The following DOK6 variants were observed in gnomAD, a reference collection of about 807,000 sequenced individuals.
DOK6 encodes the protein downstream of tyrosine kinase 6.
Under a neutral mutation model 44.0 loss-of-function variants are expected in DOK6, and 22 were observed. The ratio of observed to expected loss-of-function variants is 0.50; its 90% CI spans 0.36 to 0.71. The LOEUF (loss-of-function observed/expected upper bound fraction) is 0.71, where lower values mean the gene tolerates loss of function less well. DOK6 is among the 30% of genes least tolerant of loss of function. The pLI, the probability that DOK6 is intolerant of heterozygous loss-of-function variation, is 0.00. For missense variants in DOK6, 340 were observed against 416.4 expected (o/e 0.82, Z 1.60); for synonymous variants, 166 against 145.5 (o/e 1.14, Z -1.01).
intron 1 of DOK6, among the ~76,000 whole-genome samples, chr18:69,508,667 C>T (rs189949801): frequency 3.2e-4 from 49 of 152,214 alleles, no homozygotes; most frequent in African/African-American, 1.0e-3. Flanking sequence ...TTAAAATTGG[C>T]GTGATGGGTC....
At chr18:69,781,329 G>T (rs563752294) in intron 7 of DOK6, 1 of 152,172 alleles carries the variant, frequency 6.6e-6, no homozygotes, top group Non-Finnish European at 1.5e-5. Context: ...TGCACCCTTG[G>T]TTATGTATGG....
At chr18:69,685,546 A>T (rs1249916365) in intron 4 of DOK6, among the ~76,000 whole-genome samples, 1 of 152,206 alleles carries the variant, frequency 6.6e-6, no homozygotes, top group Admixed American at 6.5e-5. Flanking sequence ...TCACATTCAC[A>T]TTGGGTGCAC....
intron 1 of DOK6, among the ~76,000 whole-genome samples, chr18:69,491,465 G>C (rs1189469592): frequency 1.3e-5 from 2 of 152,112 alleles, no homozygotes; most frequent in African/African-American, 2.4e-5. Flanking sequence ...TCCTTCTAGC[G>C]AACATAGTTC....
At chr18:69,663,824 G>A (rs562629476) in intron 3 of DOK6, among the ~76,000 whole-genome samples, 14 of 152,266 alleles carry the variant, frequency 9.2e-5, no homozygotes, top group African/African-American at 3.4e-4. Flanking sequence ...GAATGTTTGT[G>A]GAATGTGCGG....
chr18:69,624,245 TATCA>T (rs1388630879), intron 3 of DOK6, among the ~76,000 whole-genome samples: 3 of 152,184 alleles, frequency 2.0e-5, no homozygotes, highest in Admixed American at 6.5e-5. Flanking sequence ...TCATCGTCAT[TATCA>T]ATCAACCTTA....
chr18:69,630,113 G>A (rs1984656296), intron 3 of DOK6, among the ~76,000 whole-genome samples: 1 of 152,068 alleles, frequency 6.6e-6, no homozygotes. Context: ...GCATTTGATG[G>A]TAGTTTTTTT....
At chr18:69,614,293 G>A (rs1984229954) in intron 3 of DOK6, among the ~76,000 whole-genome samples, 1 of 152,034 alleles carries the variant, frequency 6.6e-6, no homozygotes, top group South Asian at 2.1e-4. Flanking sequence ...AAAAGATGCT[G>A]TCCAAAATCA....
chr18:69,835,414 A>G lies in DOK6; in HGVS notation c.857-5830A>G, dbSNP rs980425165. On this transcript the variant is annotated intron_variant, in intron 7 of 7. Transcript: ENST00000382713. ...CGGGAGGTGGAGCTTGCAGTGAGCC[A>G]AAATCGCACCACTGCACTCCAGCCT... is the stretch of plus-strand genomic sequence containing the variant. 2.1e-4 allele frequency among the ~76,000 whole-genome samples: 32 copies of G among 152,190 alleles called. 1 individual carries two copies. Among genetic ancestry groups the G allele is most frequent in the South Asian group, 1.5e-3 (7 of 4,824 alleles).
At chr18:69,465,393 T>C (rs951588531) in intron 1 of DOK6, among the ~76,000 whole-genome samples, 2 of 151,972 alleles carry the variant, frequency 1.3e-5, no homozygotes, top group Non-Finnish European at 2.9e-5. Context: ...GCCATGCTGG[T>C]GTGCTGCACC....
intron 2 of DOK6, among the ~76,000 whole-genome samples, chr18:69,567,268 C>G (rs886970212): frequency 6.6e-6 from 1 of 152,092 alleles, no homozygotes; most frequent in South Asian, 2.1e-4. Flanking sequence ...CTGATCTTCA[C>G]TTCTTGATAA....
At chr18:69,410,626 A>G (rs1978301905) in intron 1 of DOK6, among the ~76,000 whole-genome samples, 1 of 152,242 alleles carries the variant, frequency 6.6e-6, no homozygotes, top group Non-Finnish European at 1.5e-5. Context: ...TAAACAATGT[A>G]ACGAACGTGA....
intron 3 of DOK6, among the ~76,000 whole-genome samples, chr18:69,670,140 G>A (rs1985760715): frequency 6.6e-6 from 1 of 152,016 alleles, no homozygotes; most frequent in African/African-American, 2.4e-5. Context: ...AGGAGGCTCT[G>A]GAATAAATAC....
At chr18:69,823,828 T>C (rs1333372845) in intron 7 of DOK6, among the ~76,000 whole-genome samples, 2 of 152,120 alleles carry the variant, frequency 1.3e-5, no homozygotes, top group Non-Finnish European at 2.9e-5. Flanking sequence ...TTTCATAGGA[T>C]TTATATTTGG....
intron 6 of DOK6, among the ~76,000 whole-genome samples, chr18:69,750,744 A>G (rs1195709034): frequency 6.6e-6 from 1 of 152,212 alleles, no homozygotes; most frequent in Non-Finnish European, 1.5e-5. Flanking sequence ...TACCCAAATG[A>G]TTTGAATCAG....
Position 69,639,722 on chromosome 18 carries a change from T to C in DOK6, c.290-38012T>C, listed in dbSNP as rs560832070. Among the ~76,000 whole-genome samples the C allele has an allele frequency of 1.1e-4, 16 of 151,220 alleles. No homozygotes were observed. In the East Asian group the frequency reaches 2.5e-3, roughly 24 times the overall value. On this transcript the variant is annotated intron_variant, in intron 3 of 7. Coordinates refer to ENST00000382713, the MANE Select transcript of DOK6 (RefSeq NM_152721.6). ...AATACAAGAAGGAAAGAAGAAAGAG[T>C]GGGGAGGAAATAAGGGGAAAGGAAG...
chr18:69,490,110 A>G (rs1980693860), intron 1 of DOK6, among the ~76,000 whole-genome samples: 1 of 152,154 alleles, frequency 6.6e-6, no homozygotes, highest in South Asian at 2.1e-4. Flanking sequence ...TATATTTTCT[A>G]TTTTAAGAGT....
At chr18:69,839,116 G>A (rs1288634037) in intron 7 of DOK6, among the ~76,000 whole-genome samples, 31 of 122,332 alleles carry the variant, frequency 2.5e-4, no homozygotes, top group African/African-American at 1.0e-3. Flanking sequence ...CTCCTGTGTC[G>A]CTCCCCTTGT....
intron 3 of DOK6, among the ~76,000 whole-genome samples, chr18:69,604,430 C>T (rs1983947959): frequency 6.6e-6 from 1 of 152,110 alleles, no homozygotes; most frequent in Non-Finnish European, 1.5e-5. Flanking sequence ...AGAAGAATTT[C>T]CTGACAACGT....
At chr18:69,416,428 C>G (rs992814953) in intron 1 of DOK6, among the ~76,000 whole-genome samples, 1 of 152,072 alleles carries the variant, frequency 6.6e-6, no homozygotes, top group Non-Finnish European at 1.5e-5. Context: ...TGGAATAACT[C>G]TCCACATTGT....
Sources: allele counts gnomAD v4.1 joint callset (sites outside exome capture counted in the v4.1 genomes callset), GRCh38; gene constraint gnomAD v4.1.1; transcripts MANE v1.5; gene names NCBI Gene and HGNC (gene_info 2026-07-23, HGNC 2026-07-21).